Variants in CASZ1 observed in about 807,000 individuals in gnomAD.
CASZ1 encodes zinc finger protein castor homolog 1.
Under a neutral mutation model 135.2 loss-of-function variants are expected in CASZ1, and 28 were observed. The ratio of observed to expected loss-of-function variants is 0.21; its 90% CI spans 0.15 to 0.28. The LOEUF (loss-of-function observed/expected upper bound fraction) is 0.28, where lower values mean the gene tolerates loss of function less well. CASZ1 is among the 10% of genes least tolerant of loss of function. CASZ1 has a pLI of 1.00. For missense variants in CASZ1, 2,161 were observed against 2,453.3 expected (o/e 0.88, Z 2.52); for synonymous variants, 1,068 against 1,073.4 (o/e 0.99, Z 0.10).
intron 4 of CASZ1, among the ~76,000 whole-genome samples, chr1:10,684,819 T>C (rs983018890): frequency 1.3e-5 from 2 of 152,234 alleles, no homozygotes; most frequent in Non-Finnish European, 2.9e-5. Flanking sequence ...GGGCCTCTCA[T>C]GCCCGTGGAG....
chr1:10,639,213 G>T lies in CASZ1; in HGVS notation c.5009C>A (p.Ala1670Asp). ...REGAAAAAAA[A>D]GESSQEDEEE... ...CTCGTCCTCCTGCGAGGACTCCCCA[G>T]CTGCGGCGGCGGCGGCGGCGGCGCC... The change falls in exon 21 of 21, where the codon GCT becomes GAT. Residue 1670 changes from alanine to aspartate, a missense_variant. Ala to Asp is a moderately radical substitution (Grantham distance 126, BLOSUM62 -2). Around this residue, in one of 7 missense-constraint regions of CASZ1, gnomAD observed 185 missense variants for 134.7 expected, o/e 1.37. Transcript: ENST00000377022. The surrounding 1 kb of genome is among the most constrained non-coding windows in gnomAD (Gnocchi z 4.0). The T allele has an allele frequency of 1.1e-6, 1 of 935,902 alleles. No individual in the cohort carries two copies. Among genetic ancestry groups the T allele is most frequent in the South Asian group, 4.7e-5 (1 of 21,362 alleles). 58.0% of individuals were successfully genotyped at this position (935,902 alleles called of 1,614,324 possible). A position where few individuals can be genotyped will look rare whatever the true frequency, so the allele number is the denominator to read the frequency against.
At chr1:10,645,283 C>T (rs1353300883) in intron 17 of CASZ1, among the ~76,000 whole-genome samples, 195 bp from the exon 18 acceptor site, 6 of 152,228 alleles carry the variant, frequency 3.9e-5, no homozygotes, top group Non-Finnish European at 7.3e-5. Context: ...ATAATCCCAG[C>T]GCTTTGGGAG....
chr1:10,753,993 T>C (rs912676588), intron 2 of CASZ1, among the ~76,000 whole-genome samples: 4 of 152,140 alleles, frequency 2.6e-5, no homozygotes, highest in African/African-American at 9.7e-5. Flanking sequence ...AGATGGCATC[T>C]GCCCCTCACT....
At chr1:10,641,012 A>AG (rs1291781318) in intron 20 of CASZ1, among the ~76,000 whole-genome samples, 1 of 152,172 alleles carries the variant, frequency 6.6e-6, no homozygotes, top group Non-Finnish European at 1.5e-5. Flanking sequence ...CAGCCCCACC[A>AG]GAGCGTGGGT....
Position 10,669,299 on chromosome 1 carries a change from A to G in CASZ1, c.17-3728T>C, listed in dbSNP as rs1643333930. Reference sequence around the variant, plus strand: ...CCCTAAGCCGGCCCTAGGAAATCCCAGGCCTCTCTGCGGGGACTCCTTCCC... The same window carrying G: ...CCCTAAGCCGGCCCTAGGAAATCCCGGGCCTCTCTGCGGGGACTCCTTCCC... On this transcript the variant is annotated intron_variant, in intron 4 of 20. Transcript: ENST00000377022. Among the ~76,000 whole-genome samples the G allele has an allele frequency of 2.0e-5, 3 of 152,270 alleles. No individual in the cohort carries two copies. The South Asian group carries it at 6.2e-4, about 32-fold the overall frequency.
rs1309067335 is a variant in CASZ1, at chr1:10,654,175, C to T, written c.1882G>A (p.Glu628Lys). 3 of 1,614,184 alleles carry T rather than the reference C, an allele frequency of 1.9e-6. No individual in the cohort carries two copies. The highest frequency in any genetic ancestry group is 2.2e-5 in the East Asian group (1 of 44,878). ...TTGATGTGGTAGCTCTTGTGCTTCTCGATGTCACACTTGTTCTTGAAAGTG... is the reference window on the plus strand; with the variant it reads ...TTGATGTGGTAGCTCTTGTGCTTCTTGATGTCACACTTGTTCTTGAAAGTG... ...TFTFKNKCDI[E>K]KHKSYHIKDD... Residue 628 changes from glutamate to lysine, a missense_variant, in exon 11 of 21, where the codon GAG becomes AAG. Around this residue, in one of 7 missense-constraint regions of CASZ1, gnomAD observed 248 missense variants for 410.8 expected, o/e 0.60. Coordinates refer to ENST00000377022, the MANE Select transcript of CASZ1 (RefSeq NM_001079843.3).
intron 2 of CASZ1, among the ~76,000 whole-genome samples, chr1:10,748,320 G>T (rs1374868124): frequency 1.3e-5 from 2 of 152,200 alleles, no homozygotes; most frequent in East Asian, 3.9e-4. Flanking sequence ...TATATACCGT[G>T]TTCTTCACCC....
At chr1:10,702,020 G>A (rs74792874) in intron 3 of CASZ1, among the ~76,000 whole-genome samples, 2,323 of 152,338 alleles carry the variant, frequency 0.015, 29 homozygotes, top group Non-Finnish European at 0.024. Flanking sequence ...ACAGCAGGTG[G>A]ATCCACTCAG....
chr1:10,791,274 G>A lies in CASZ1; in HGVS notation c.-234+5290C>T, dbSNP rs1453365065. On this transcript the variant is annotated intron_variant, in intron 1 of 20. Transcript: ENST00000377022. ...GCTACTTTTCCTGGAAAAAGCACTT[G>A]AGACAAAGGTCGGAGAAAGCGGAAG... 2.0e-5 allele frequency among the ~76,000 whole-genome samples: 3 copies of A among 152,182 alleles called. No individual in the cohort carries two copies. In the East Asian group the frequency reaches 5.8e-4, roughly 29 times the overall value.
rs980256990 is a variant in CASZ1 at position 10,699,874 on chromosome 1, T to TA, written c.-24+5617dup. On this transcript the variant is annotated intron_variant, in intron 3 of 20. Coordinates refer to ENST00000377022, the MANE Select transcript of CASZ1 (RefSeq NM_001079843.3). The surrounding 1 kb of genome is among the most constrained non-coding windows in gnomAD (Gnocchi z 4.6). ...TTCAAGAGTGTGGCCACAAAAACTT[T>TA]AAAAAAAAGTTTTGGGGTGGAAACG... Among the ~76,000 whole-genome samples, 21 of 151,684 alleles carry TA rather than the reference T, an allele frequency of 1.4e-4. No homozygotes were observed. The highest frequency in any genetic ancestry group is 4.9e-4 in the African/African-American group (20 of 41,234).
chr1:10,648,469 A>G, intron 15 of CASZ1: 1 of 288,808 alleles, frequency 3.5e-6, no homozygotes, highest in Non-Finnish European at 6.5e-6. Flanking sequence ...GAGGTCTTAA[A>G]GGTAGGATTC....
intron 4 of CASZ1, among the ~76,000 whole-genome samples, chr1:10,671,937 G>A (rs1304320216): frequency 6.6e-6 from 1 of 152,216 alleles, no homozygotes; most frequent in Admixed American, 6.5e-5. Context: ...AGCCTGGACT[G>A]CCCTGGAGAG....
chr1:10,677,019 C>T (rs934827349), intron 4 of CASZ1, among the ~76,000 whole-genome samples: 35 of 152,210 alleles, frequency 2.3e-4, no homozygotes, highest in African/African-American at 7.5e-4. Context: ...GCACGTAGGA[C>T]GTGAAGGAAA....
Position 10,647,728 on chromosome 1 carries a change from C to T in CASZ1, c.3497+73G>A. On this transcript the variant is annotated intron_variant, in intron 16 of 20. Transcript: ENST00000377022. The surrounding 1 kb of genome is among the most constrained non-coding windows in gnomAD (Gnocchi z 4.9). ...CATCCGCAGTGAGGAACAGGGCCTC[C>T]TAGCGCCCTTGCTAGCACCTACTCC... The T allele has an allele frequency of 2.5e-6, 4 of 1,598,800 alleles. No individual in the cohort carries two copies. The highest frequency in any genetic ancestry group is 3.4e-6 in the Non-Finnish European group (4 of 1,177,866).
intron 4 of CASZ1, 127 bp from the exon 5 acceptor site, chr1:10,665,698 C>A: frequency 9.9e-7 from 1 of 1,014,790 alleles, no homozygotes; most frequent in South Asian, 1.7e-5. Context: ...ATCAAACTGC[C>A]CTGAGACTGC....
chr1:10,751,090 T>A (rs965017532), intron 2 of CASZ1, among the ~76,000 whole-genome samples: 1 of 151,202 alleles, frequency 6.6e-6, no homozygotes, highest in Non-Finnish European at 1.5e-5. Flanking sequence ...TATTATTAAT[T>A]ATTATTATTA....
intron 2 of CASZ1, among the ~76,000 whole-genome samples, chr1:10,750,686 G>C (rs769316733): frequency 6.6e-6 from 1 of 152,104 alleles, no homozygotes; most frequent in African/African-American, 2.4e-5. Context: ...GATCACATGA[G>C]GTCAGGAGTT....
intron 9 of CASZ1, among the ~76,000 whole-genome samples, chr1:10,654,957 G>C (rs920770079): frequency 6.6e-6 from 1 of 152,170 alleles, no homozygotes; most frequent in Non-Finnish European, 1.5e-5. Context: ...GGGTGGACAG[G>C]GGCTGGACCC....
At chr1:10,640,178 C>T in intron 20 of CASZ1, 119 bp from the exon 21 acceptor site, 1 of 1,443,790 alleles carries the variant, frequency 6.9e-7, no homozygotes, top group Non-Finnish European at 9.2e-7. Flanking sequence ...TTTAGGGAGC[C>T]CTCGGCTTCC....
Sources: allele counts gnomAD v4.1 joint callset (sites outside exome capture counted in the v4.1 genomes callset), GRCh38; gene constraint gnomAD v4.1.1; regional missense constraint gnomAD v4.1.1; non-coding constraint Gnocchi (gnomAD v3.1); transcripts MANE v1.5; gene names NCBI Gene and HGNC (gene_info 2026-07-23, HGNC 2026-07-21).